The following SRD5A1 variants were observed in gnomAD, a reference collection of about 807,000 sequenced individuals.
The protein encoded by SRD5A1 is steroid 5 alpha-reductase 1.
SRD5A1 carries 22 observed loss-of-function variants against 28.2 expected under a neutral mutation model. The observed-to-expected ratio is 0.78, with a 90% confidence interval of 0.56 to 1.12. SRD5A1 has a LOEUF of 1.12. SRD5A1 is among the 50% of genes most tolerant of loss of function. The probability of loss-of-function intolerance (pLI) is 0.00; values close to 1 mark genes in which losing one functional copy is unlikely to be tolerated. For missense variants in SRD5A1, 300 were observed against 346.7 expected, an observed-to-expected ratio of 0.87 and a Z score of 1.07; for synonymous variants, 151 against 135.0, an observed-to-expected ratio of 1.12 and a Z score of -0.82.
At position 6,670,991 on chromosome 5, in the gene SRD5A1, A is replaced by G. The variant is rs909859532; in HGVS notation, c.*2723A>G. On this transcript the variant is annotated 3_prime_UTR_variant, in exon 5 of 5. Transcript: ENST00000274192. Reference sequence around the variant, plus strand: ...TGTGCGTGCAAGTATCTTTTTTTGAATAATGACTTCTTTTCCTCTGGGTAG... The same window carrying G: ...TGTGCGTGCAAGTATCTTTTTTTGAGTAATGACTTCTTTTCCTCTGGGTAG... The G allele has an allele frequency of 6.6e-6, 1 of 152,200 alleles. No homozygotes were observed. Among genetic ancestry groups the G allele is most frequent in the Non-Finnish European group, 1.5e-5 (1 of 68,036 alleles). 9.4% of individuals were successfully genotyped at this position (152,200 alleles called of 1,614,324 possible). A position where few individuals can be genotyped will look rare whatever the true frequency, so the allele number is the denominator to read the frequency against.
At position 6,633,714 on chromosome 5, in the gene SRD5A1, C is replaced by T. The variant is rs1055070087; in HGVS notation, c.138C>T (p.His46=). ...ACGGCCGCCACGCGCTGCCCAGCCA[C>T]AGGCTCCGAGTGCCGGCGCGGGCCG... ...SVYGRHALPS[H]RLRVPARAAW... Residue 46 remains histidine, a synonymous_variant, in exon 1 of 5, where the codon CAC becomes CAT. Coordinates refer to ENST00000274192, the MANE Select transcript of SRD5A1 (RefSeq NM_001047.4). The T allele has an allele frequency of 1.3e-5, 21 of 1,593,498 alleles. No individual in the cohort carries two copies. Among genetic ancestry groups the T allele is most frequent in the Non-Finnish European group, 1.7e-5 (20 of 1,177,580 alleles).
In SRD5A1 at chr5:6,656,278, T is replaced by C. The variant is rs112397413; in HGVS notation, c.562+99T>C. 1,520 of 881,216 alleles carry C rather than the reference T, an allele frequency of 1.7e-3. 12 individuals carry two copies. In the African/African-American group the frequency reaches 0.023, roughly 14 times the overall value. 54.6% of individuals were successfully genotyped at this position (881,216 alleles called of 1,614,324 possible). ...CTAAGAAGTAGTAGCGTAGTAGTTA[T>C]TAGCTACAAGTTTTCAGTGTAAGTC... On this transcript the variant is annotated intron_variant, in intron 3 of 4. Coordinates refer to ENST00000274192, the MANE Select transcript of SRD5A1 (RefSeq NM_001047.4).
intron 1 of SRD5A1, among the ~76,000 whole-genome samples, chr5:6,650,237 G>A (rs927697242): frequency 4.0e-5 from 6 of 151,852 alleles, no homozygotes; most frequent in African/African-American, 1.5e-4. Context: ...GAGAGACCCT[G>A]TCTCTACAAA....
intron 1 of SRD5A1, 57 bp from the exon 2 acceptor site, chr5:6,651,785 A>T: frequency 6.7e-7 from 1 of 1,487,412 alleles, no homozygotes; most frequent in Non-Finnish European, 9.2e-7. Context: ...AGATAGGATT[A>T]CAGAAATGAT....
chr5:6,669,811 A>G lies in SRD5A1; in HGVS notation c.*1543A>G, dbSNP rs1739309469. On this transcript the variant is annotated 3_prime_UTR_variant, in exon 5 of 5. Coordinates refer to ENST00000274192, the MANE Select transcript of SRD5A1 (RefSeq NM_001047.4). ...CTTCTCCCCTCTCTATTCTGACCCC[A>G]GTTGAAATCACCTCAAAGGAATTTA... is the stretch of plus-strand genomic sequence containing the variant. 6.6e-6 allele frequency: 1 copy of G among 152,234 alleles called. No individual in the cohort carries two copies. Among genetic ancestry groups the G allele is most frequent in the Admixed American group, 6.5e-5 (1 of 15,268 alleles). 9.4% of individuals were successfully genotyped at this position (152,234 alleles called of 1,614,324 possible). A position where few individuals can be genotyped will look rare whatever the true frequency, so the allele number is the denominator to read the frequency against.
chr5:6,649,788 G>A (rs1273003402), intron 1 of SRD5A1, among the ~76,000 whole-genome samples: 1 of 152,132 alleles, frequency 6.6e-6, no homozygotes, highest in Admixed American at 6.5e-5. Context: ...GTCCCAGTGA[G>A]ATAAGCCAGT....
rs78180755 is a variant in SRD5A1 at position 6,638,330 on chromosome 5, G to A, written c.293+4461G>A. On this transcript the variant is annotated intron_variant, in intron 1 of 4. Coordinates refer to ENST00000274192, the MANE Select transcript of SRD5A1 (RefSeq NM_001047.4). Reference sequence around the variant, plus strand: ...CTCCATCTTAAAAAGAAGTCATAGCGTTTTTTGGAGCAGACCAATTCATGA... The same window carrying A: ...CTCCATCTTAAAAAGAAGTCATAGCATTTTTTGGAGCAGACCAATTCATGA... Among the ~76,000 whole-genome samples, 401 of 152,306 alleles carry A rather than the reference G, an allele frequency of 2.6e-3. 4 individuals carry two copies. In the East Asian group the frequency reaches 0.042, roughly 16 times the overall value.
rs922599274 is a variant in SRD5A1 at position 6,670,709 on chromosome 5, T to C, written c.*2441T>C. ...GTTAGGTAGAAAAAAATAACAAGAA[T>C]AAAAGCAAGGAAAAGGGAAGGGACC... On this transcript the variant is annotated 3_prime_UTR_variant, in exon 5 of 5. Transcript: ENST00000274192. The C allele has an allele frequency of 6.6e-6, 1 of 152,062 alleles. No homozygotes were observed. The highest frequency in any genetic ancestry group is 1.5e-5 in the Non-Finnish European group (1 of 67,998). The allele number at this position is 152,062 out of a possible 1,614,324, so 9.4% of individuals were successfully genotyped here.
chr5:6,638,966 A>G (rs1387061329), intron 1 of SRD5A1, among the ~76,000 whole-genome samples: 1 of 152,234 alleles, frequency 6.6e-6, no homozygotes, highest in African/African-American at 2.4e-5. Flanking sequence ...TATTAAATCC[A>G]CCATGACCTA....
At chr5:6,645,923 C>A (rs1389073666) in intron 1 of SRD5A1, among the ~76,000 whole-genome samples, 2 of 151,978 alleles carry the variant, frequency 1.3e-5, no homozygotes, top group Non-Finnish European at 2.9e-5. Context: ...TATACACATG[C>A]CATGGTGGTT....
chr5:6,640,707 A>C (rs1738333598), intron 1 of SRD5A1, among the ~76,000 whole-genome samples: 1 of 152,192 alleles, frequency 6.6e-6, no homozygotes, highest in Non-Finnish European at 1.5e-5. Context: ...GGAAAATTAT[A>C]ACATGACAGA....
chr5:6,636,455 A>G (rs1266880312), intron 1 of SRD5A1, among the ~76,000 whole-genome samples: 1 of 152,086 alleles, frequency 6.6e-6, no homozygotes, highest in African/African-American at 2.4e-5. Context: ...ACCTTACACA[A>G]CCTGACAGGT....
chr5:6,659,354 CCGCCCACCTT>C (rs1359655162), intron 3 of SRD5A1, among the ~76,000 whole-genome samples: 116 of 152,134 alleles, frequency 7.6e-4, no homozygotes, highest in African/African-American at 2.7e-3. Flanking sequence ...ACCTCGTGAT[CCGCCCACCTT>C]GGCCTCCCAA....
In SRD5A1 at chr5:6,674,114, TTTAA is replaced by T. The variant is rs1383640456; in HGVS notation, c.*5851_*5854del. The T allele has an allele frequency of 2.6e-5, 4 of 151,892 alleles. No homozygotes were observed. The East Asian group carries it at 5.8e-4, about 22-fold the overall frequency. 9.4% of individuals were successfully genotyped at this position (151,892 alleles called of 1,614,324 possible). The stretch of plus-strand genomic sequence containing the variant: ...CTCTGGATTTTTATTAATAATATTA[TTTAA>T]TTAAAATGATTTATTTTACTTATTT... On this transcript the variant is annotated 3_prime_UTR_variant, in exon 5 of 5. Coordinates refer to ENST00000274192, the MANE Select transcript of SRD5A1 (RefSeq NM_001047.4).
Position 6,655,652 on chromosome 5 carries a change from G to A in SRD5A1, c.461-426G>A, listed in dbSNP as rs559415773. Among the ~76,000 whole-genome samples, 124 of 152,336 alleles carry A rather than the reference G, an allele frequency of 8.1e-4. 1 individual carries two copies. The highest frequency in any genetic ancestry group is 2.9e-3 in the African/African-American group (121 of 41,582). On this transcript the variant is annotated intron_variant, in intron 2 of 4. Transcript: ENST00000274192. ...ACGTACAGCCAGTGGTGACAGAGCA[G>A]CACAGGAGCATCACCCCTCCTGGTT... is the stretch of plus-strand genomic sequence containing the variant.
At chr5:6,651,752 A>G in intron 1 of SRD5A1, 90 bp from the exon 2 acceptor site, 2 of 1,247,554 alleles carry the variant, frequency 1.6e-6, no homozygotes, top group African/African-American at 1.5e-5. Context: ...CAAGAAAGTA[A>G]GATTTAAAAC....
intron 3 of SRD5A1, among the ~76,000 whole-genome samples, chr5:6,662,253 G>A (rs1739028991): frequency 6.6e-6 from 1 of 152,140 alleles, no homozygotes; most frequent in South Asian, 2.1e-4. Flanking sequence ...CCAGCTCCGG[G>A]GCCCCCTCAC....
intron 1 of SRD5A1, among the ~76,000 whole-genome samples, chr5:6,639,234 T>G (rs1240502563): frequency 6.6e-6 from 1 of 152,234 alleles, no homozygotes; most frequent in Non-Finnish European, 1.5e-5. Flanking sequence ...AACCCAAACA[T>G]CTTACTTTAA....
chr5:6,662,762 G>A, intron 3 of SRD5A1, 54 bp from the exon 4 acceptor site: 1 of 1,579,698 alleles, frequency 6.3e-7, no homozygotes, highest in Non-Finnish European at 8.7e-7. Context: ...CATCTCTGAA[G>A]TCCGTATTTC....
Sources: gnomAD v4.1 joint callset for allele counts (sites outside exome capture counted in the v4.1 genomes callset) on GRCh38, gnomAD v4.1.1 for gene constraint, MANE v1.5 for transcripts, NCBI Gene and HGNC (gene_info 2026-07-23, HGNC 2026-07-21) for gene names.